Variants in BICC1 observed in about 807,000 individuals in gnomAD.
BICC1 encodes protein bicaudal C homolog 1.
In BICC1, 43 loss-of-function variants were observed where a neutral mutation model predicts 111.0. The observed-to-expected ratio is 0.39, with a 90% confidence interval of 0.30 to 0.50. The LOEUF is 0.50. BICC1 is among the 20% of genes least tolerant of loss of function. The probability of loss-of-function intolerance (pLI) is 0.88; values close to 1 mark genes in which losing one functional copy is unlikely to be tolerated. For missense variants in BICC1, 1,091 were observed against 1,203.2 expected (o/e 0.91, Z 1.38); for synonymous variants, 467 against 434.4 (o/e 1.07, Z -0.93).
At chr10:58,673,209 TC>T (rs981476981) in intron 2 of BICC1, among the ~76,000 whole-genome samples, 2 of 152,218 alleles carry the variant, frequency 1.3e-5, no homozygotes, top group Admixed American at 6.5e-5. Context: ...TTTTCCTATA[TC>T]AGGAAGATTT....
rs1403610888 is a variant in BICC1 at position 58,620,862 on chromosome 10, T to G, written c.198T>G (p.Ala66=). The change falls in exon 2 of 21, where the codon GCT becomes GCG. Residue 66 remains alanine, a synonymous_variant. Coordinates refer to ENST00000373886, the MANE Select transcript of BICC1 (RefSeq NM_001080512.3). ...KKLEAMLQAA[A]EGKGRSGEDF... is the part of the protein sequence containing the mutation. ...GCACATTTTTATTTACAGCTGCTGCTGAAGGGAAAGGCAGAAGTGGGGAAG... is the reference window on the plus strand; with the variant it reads ...GCACATTTTTATTTACAGCTGCTGCGGAAGGGAAAGGCAGAAGTGGGGAAG... 1.9e-6 allele frequency: 3 copies of G among 1,613,440 alleles called. No individual in the cohort carries two copies. Among genetic ancestry groups the G allele is most frequent in the Non-Finnish European group, 2.5e-6 (3 of 1,179,786 alleles).
Position 58,756,626 on chromosome 10 carries a change from C to CTTTTTT in BICC1, c.308-28348_308-28343dup, listed in dbSNP as rs66709538. Among the ~76,000 whole-genome samples the CTTTTTT allele has an allele frequency of 1.3e-4, 18 of 135,876 alleles. 1 individual carries two copies. Among genetic ancestry groups the CTTTTTT allele is most frequent in the Non-Finnish European group, 1.9e-4 (12 of 64,128 alleles). 89.1% of individuals were successfully genotyped at this position (135,876 alleles called of 152,430 possible). On this transcript the variant is annotated intron_variant, in intron 3 of 20. Transcript: ENST00000373886. ...CCAGGACCCTTTAGCAACTACTAGC[C>CTTTTTT]TTTTTTTTTTTTTTTTTTTTTTTTT...
intron 1 of BICC1, among the ~76,000 whole-genome samples, chr10:58,605,343 T>A (rs1209528499): frequency 2.0e-5 from 3 of 152,248 alleles, no homozygotes; most frequent in Non-Finnish European, 4.4e-5. Context: ...TCTTGCTGAT[T>A]CTTCATTTTC....
intron 3 of BICC1, among the ~76,000 whole-genome samples, chr10:58,713,150 G>A (rs1840631880): frequency 6.6e-6 from 1 of 152,148 alleles, no homozygotes; most frequent in Non-Finnish European, 1.5e-5. Flanking sequence ...AAATTAAACA[G>A]TAAAACACAC....
rs1409878937 is a variant in BICC1 at position 58,591,449 on chromosome 10, G to GAGA, written c.191-29406_191-29405insAGA. Among the ~76,000 whole-genome samples the GAGA allele has an allele frequency of 3.9e-5, 6 of 152,128 alleles. No individual in the cohort carries two copies. In the East Asian group the frequency reaches 1.2e-3, roughly 29 times the overall value. On this transcript the variant is annotated intron_variant, in intron 1 of 20. Transcript: ENST00000373886. ...GATCAAGCGTCTGGCCTTCAAAGAT[G>GAGA]TGCCTTCTCTGTAACCTCACATGAT... is the stretch of plus-strand genomic sequence containing the variant.
intron 2 of BICC1, among the ~76,000 whole-genome samples, chr10:58,679,759 C>G (rs1839457901): frequency 6.6e-6 from 1 of 152,162 alleles, no homozygotes; most frequent in African/African-American, 2.4e-5. Flanking sequence ...GCCGGTACCC[C>G]TGATGAACAT....
chr10:58,546,021 G>A (rs1256565389), intron 1 of BICC1, among the ~76,000 whole-genome samples: 2 of 152,092 alleles, frequency 1.3e-5, no homozygotes, highest in Non-Finnish European at 2.9e-5. Context: ...CCATCCTATT[G>A]ACTTCTTTCC....
intron 3 of BICC1, among the ~76,000 whole-genome samples, chr10:58,712,577 A>G (rs1487820068): frequency 1.3e-5 from 2 of 152,210 alleles, no homozygotes; most frequent in African/African-American, 4.8e-5. Context: ...TCTTAAATGC[A>G]TTATACTAAG....
At chr10:58,782,560 C>T (rs1027389456) in intron 3 of BICC1, among the ~76,000 whole-genome samples, 1 of 152,162 alleles carries the variant, frequency 6.6e-6, no homozygotes, top group African/African-American at 2.4e-5. Context: ...CTTCTAATCA[C>T]CCACAGTAGT....
At chr10:58,697,130 C>A (rs1840087751) in intron 2 of BICC1, among the ~76,000 whole-genome samples, 1 of 152,178 alleles carries the variant, frequency 6.6e-6, no homozygotes, top group African/African-American at 2.4e-5. Flanking sequence ...TGGGGAATGA[C>A]CAGAATGATC....
At chr10:58,802,986 AT>A in intron 14 of BICC1, 90 bp from the exon 15 acceptor site, 1 of 1,245,548 alleles carries the variant, frequency 8.0e-7, no homozygotes, top group South Asian at 2.0e-5. Flanking sequence ...GCTGATGATG[AT>A]AAACATGCAT....
At chr10:58,759,950 C>T (rs984124971) in intron 3 of BICC1, among the ~76,000 whole-genome samples, 2 of 133,216 alleles carry the variant, frequency 1.5e-5, no homozygotes, top group Admixed American at 8.3e-5. Context: ...CAGAGTGAGA[C>T]TCGTCTCAAA....
chr10:58,784,246 T>C (rs1008413550), intron 3 of BICC1, among the ~76,000 whole-genome samples: 12 of 152,194 alleles, frequency 7.9e-5, no homozygotes, highest in Non-Finnish European at 5.9e-5. Flanking sequence ...TCTTCACTTA[T>C]CTCTTCTCTC....
At chr10:58,819,065 A>G (rs1374436499) in intron 19 of BICC1, among the ~76,000 whole-genome samples, 1 of 152,186 alleles carries the variant, frequency 6.6e-6, no homozygotes, top group Non-Finnish European at 1.5e-5. Flanking sequence ...TGTGGTCTGT[A>G]GGCCAACTGC....
chr10:58,593,114 TAA>T (rs1320531227), intron 1 of BICC1, among the ~76,000 whole-genome samples: 1 of 151,534 alleles, frequency 6.6e-6, no homozygotes, highest in East Asian at 2.0e-4. Flanking sequence ...ACTCACAGTG[TAA>T]AAAAAGCCAC....
At chr10:58,615,517 C>G (rs1339782976) in intron 1 of BICC1, among the ~76,000 whole-genome samples, 2 of 152,286 alleles carry the variant, frequency 1.3e-5, no homozygotes, top group African/African-American at 2.4e-5. Context: ...GGTATAATTA[C>G]CCTGCTGACA....
intron 2 of BICC1, among the ~76,000 whole-genome samples, chr10:58,693,771 A>C (rs1839984845): frequency 6.6e-6 from 1 of 152,240 alleles, no homozygotes; most frequent in East Asian, 1.9e-4. Context: ...GCCATTTGTC[A>C]GATGAGTAGG....
At chr10:58,675,476 G>C (rs1171747958) in intron 2 of BICC1, among the ~76,000 whole-genome samples, 1 of 152,126 alleles carries the variant, frequency 6.6e-6, no homozygotes, top group Non-Finnish European at 1.5e-5. Flanking sequence ...AACAACAAGG[G>C]TGAACCTCTA....
chr10:58,642,142 T>G (rs1838142027), intron 2 of BICC1, among the ~76,000 whole-genome samples: 1 of 152,216 alleles, frequency 6.6e-6, no homozygotes, highest in South Asian at 2.1e-4. Context: ...CATTTAGAAT[T>G]ATTAATTAAT....
Sources: gnomAD v4.1 joint callset for allele counts (sites outside exome capture counted in the v4.1 genomes callset) on GRCh38, gnomAD v4.1.1 for gene constraint, MANE v1.5 for transcripts, NCBI Gene and HGNC (gene_info 2026-07-23, HGNC 2026-07-21) for gene names.